Variants in PTPRD observed in about 807,000 individuals in gnomAD.
PTPRD encodes receptor-type tyrosine-protein phosphatase delta.
In PTPRD, 34 loss-of-function variants were observed where a neutral mutation model predicts 214.5. The observed-to-expected ratio is 0.16, with a 90% CI of 0.12 to 0.21. The LOEUF (loss-of-function observed/expected upper bound fraction) is 0.21. Ranked by LOEUF, PTPRD falls within the 10% of genes least tolerant of loss-of-function variation. The probability of loss-of-function intolerance (pLI) is 1.00; values close to 1 mark genes in which losing one functional copy is unlikely to be tolerated. For missense variants in PTPRD, 2,545 were observed against 2,398.7 expected (o/e 1.06, Z -1.27); for synonymous variants, 1,128 against 845.7 (o/e 1.33, Z -5.79).
At chr9:10,315,489 T>G (rs1048885346) in intron 3 of PTPRD, among the ~76,000 whole-genome samples, 1 of 151,948 alleles carries the variant, frequency 6.6e-6, no homozygotes, top group African/African-American at 2.4e-5. Context: ...GATTATTAAT[T>G]GGGGGTTACT....
intron 10 of PTPRD, among the ~76,000 whole-genome samples, chr9:9,023,935 T>G (rs1056126992): frequency 6.6e-6 from 1 of 152,100 alleles, no homozygotes; most frequent in African/African-American, 2.4e-5. Flanking sequence ...TCATCTTCGG[T>G]TAAGATTAAG....
At chr9:10,515,843 G>A (rs191206798) in intron 2 of PTPRD, among the ~76,000 whole-genome samples, 76 of 151,828 alleles carry the variant, frequency 5.0e-4, no homozygotes, top group Middle Eastern at 6.8e-3. Flanking sequence ...TTTGTCCTTC[G>A]TTGACTGTCT....
At chr9:10,511,723 T>C (rs188689510) in intron 2 of PTPRD, among the ~76,000 whole-genome samples, 54 of 151,214 alleles carry the variant, frequency 3.6e-4, no homozygotes, top group African/African-American at 1.2e-3. Flanking sequence ...TACCATTTCT[T>C]TAAAAACTTT....
At chr9:10,602,577 A>C (rs777098281) in intron 2 of PTPRD, among the ~76,000 whole-genome samples, 12 of 151,858 alleles carry the variant, frequency 7.9e-5, no homozygotes, top group Admixed American at 1.3e-4. Context: ...AAATAAGAAA[A>C]TAAAAGTAAT....
chr9:9,843,791 G>T (rs749390948), intron 5 of PTPRD, among the ~76,000 whole-genome samples: 1 of 151,834 alleles, frequency 6.6e-6, no homozygotes, highest in Non-Finnish European at 1.5e-5. Flanking sequence ...AATGAAAACC[G>T]AAATTTAAAT....
chr9:9,196,499 T>C (rs993098129), intron 9 of PTPRD, among the ~76,000 whole-genome samples: 1 of 152,190 alleles, frequency 6.6e-6, no homozygotes, highest in Non-Finnish European at 1.5e-5. Context: ...AATGATTCAA[T>C]AATTTTGCTC....
intron 8 of PTPRD, among the ~76,000 whole-genome samples, chr9:9,528,711 A>G (rs1225802571): frequency 6.6e-6 from 1 of 152,110 alleles, no homozygotes; most frequent in Non-Finnish European, 1.5e-5. Flanking sequence ...ATTGAGGTAG[A>G]TGAAGAAAAA....
chr9:9,101,416 G>T (rs1035474934), intron 10 of PTPRD, among the ~76,000 whole-genome samples: 4 of 152,144 alleles, frequency 2.6e-5, no homozygotes, highest in Admixed American at 1.3e-4. Flanking sequence ...CACCTGTACA[G>T]ATACGATTAG....
chr9:9,534,007 T>C (rs928734413), intron 8 of PTPRD, among the ~76,000 whole-genome samples: 2 of 152,062 alleles, frequency 1.3e-5, no homozygotes, highest in East Asian at 1.9e-4. Flanking sequence ...AAATAAACAG[T>C]GGCATAGGCA....
chr9:9,393,046 C>T (rs779970839), intron 9 of PTPRD, among the ~76,000 whole-genome samples: 1 of 152,082 alleles, frequency 6.6e-6, no homozygotes, highest in Non-Finnish European at 1.5e-5. Context: ...ATCGGCTTCC[C>T]TCTTGCTCAG....
intron 2 of PTPRD, among the ~76,000 whole-genome samples, chr9:10,480,581 AAAAC>A (rs1213799088): frequency 1.3e-5 from 2 of 152,142 alleles, no homozygotes; most frequent in Admixed American, 1.3e-4. Context: ...AAAGACAATG[AAAAC>A]AGATAATTTG....
chr9:8,492,430 T>C (rs1028919863), intron 27 of PTPRD, among the ~76,000 whole-genome samples: 55 of 152,180 alleles, frequency 3.6e-4, no homozygotes, highest in African/African-American at 1.2e-3. Flanking sequence ...TGATCCTTAA[T>C]TGCCTATACG....
At chr9:9,144,525 G>A (rs1365664598) in intron 10 of PTPRD, among the ~76,000 whole-genome samples, 3 of 152,068 alleles carry the variant, frequency 2.0e-5, no homozygotes, top group East Asian at 1.9e-4. Flanking sequence ...AGGCTGAGGC[G>A]GGTGGATCAC....
At chr9:9,896,808 A>T (rs1168406758) in intron 5 of PTPRD, among the ~76,000 whole-genome samples, 1 of 152,098 alleles carries the variant, frequency 6.6e-6, no homozygotes, top group Non-Finnish European at 1.5e-5. Flanking sequence ...AAATGACCTC[A>T]GTTGCCATTT....
At chr9:8,453,798 T>C (rs2096064738) in intron 33 of PTPRD, among the ~76,000 whole-genome samples, 1 of 152,178 alleles carries the variant, frequency 6.6e-6, no homozygotes, top group South Asian at 2.1e-4. Flanking sequence ...CAAGGGTGTG[T>C]ATTTCCGTCA....
At chr9:9,776,415 C>A (rs1314863920) in intron 5 of PTPRD, among the ~76,000 whole-genome samples, 1 of 152,108 alleles carries the variant, frequency 6.6e-6, no homozygotes, top group African/African-American at 2.4e-5. Context: ...TCTGTATCTT[C>A]CATTATACTT....
intron 14 of PTPRD, among the ~76,000 whole-genome samples, chr9:8,580,155 A>G (rs962795536): frequency 1.3e-5 from 2 of 152,232 alleles, no homozygotes; most frequent in Admixed American, 1.3e-4. Flanking sequence ...ATGTTTATGG[A>G]AAGTGTTATC....
At chr9:9,372,071 G>T (rs1179364532) in intron 9 of PTPRD, among the ~76,000 whole-genome samples, 1 of 152,184 alleles carries the variant, frequency 6.6e-6, no homozygotes. Context: ...GTGTGGTGCT[G>T]AAAAGAATGT....
At chr9:8,321,106 C>T (rs1317409679) in intron 44 of PTPRD, among the ~76,000 whole-genome samples, 2 of 152,052 alleles carry the variant, frequency 1.3e-5, no homozygotes, top group Non-Finnish European at 2.9e-5. Context: ...TTGAAGATGT[C>T]TAGCGGCAGT....
Sources: allele counts gnomAD v4.1 joint callset (sites outside exome capture counted in the v4.1 genomes callset), GRCh38; gene constraint gnomAD v4.1.1; transcripts MANE v1.5; gene names NCBI Gene and HGNC (gene_info 2026-07-23, HGNC 2026-07-21).